The following SPAG9 variants were observed in gnomAD, a reference collection of about 807,000 sequenced individuals.
SPAG9 encodes sperm associated antigen 9.
SPAG9 carries 35 observed loss-of-function variants against 166.5 expected under a neutral mutation model. That is an observed-to-expected ratio of 0.21 (90% CI 0.16 to 0.28). SPAG9 has a LOEUF of 0.28. Among genes scored for constraint, SPAG9 ranks in the 10% least tolerant of loss-of-function variants. The pLI is 1.00. For missense variants in SPAG9, 1,235 were observed against 1,603.3 expected, an observed-to-expected ratio of 0.77 and a Z score of 3.92; for synonymous variants, 534 against 565.5, an observed-to-expected ratio of 0.94 and a Z score of 0.79.
At chr17:51,079,226 A>G (rs2048097020) in intron 2 of SPAG9, among the ~76,000 whole-genome samples, 1 of 145,326 alleles carries the variant, frequency 6.9e-6, no homozygotes, top group African/African-American at 2.5e-5. Flanking sequence ...CATTAGAGCC[A>G]ATTCCTTTTT....
In SPAG9 at chr17:51,012,722, CTTTATTTA is replaced by C. The variant is rs142325730; in HGVS notation, c.1213+1502_1213+1509del. 5.9e-3 allele frequency among the ~76,000 whole-genome samples: 864 copies of C among 145,826 alleles called. 2 individuals are homozygous for C. Among genetic ancestry groups the C allele is most frequent in the Non-Finnish European group, 7.8e-3 (520 of 67,070 alleles). ...TACTTTCAATCTCTCTTACTAGATA[CTTTATTTA>C]TTTATTTATTTATTTATTTATTTAT... On this transcript the variant is annotated intron_variant, in intron 9 of 29. Transcript: ENST00000262013.
In SPAG9 at chr17:50,970,854, G is replaced by T; in HGVS notation, c.3703C>A (p.Gln1235Lys). Residue 1235 changes from glutamine (Q) to lysine (K), a missense_variant and splice_region_variant, in exon 29 of 30, where the codon CAA becomes AAA. This residue lies in a region of SPAG9 where 243 missense variants were observed against 358.6 expected (regional missense o/e 0.68). Transcript: ENST00000262013. ...CTGCTACTTTGTGGGCTGATGACTTGACCTGTTTTATACAGAAACAAAAGT... is the reference window on the plus strand; with the variant it reads ...CTGCTACTTTGTGGGCTGATGACTTTACCTGTTTTATACAGAAACAAAAGT... ...AVKFFVAVPG[Q>K]VISPQSSSSG... The T allele has an allele frequency of 6.2e-7, 1 of 1,613,222 alleles. No individual in the cohort carries two copies. The highest frequency in any genetic ancestry group is 1.1e-5 in the South Asian group (1 of 91,048).
At chr17:51,082,926 G>A (rs904856641) in intron 1 of SPAG9, among the ~76,000 whole-genome samples, 2 of 152,082 alleles carry the variant, frequency 1.3e-5, no homozygotes, top group African/African-American at 2.4e-5. Flanking sequence ...CAACTCCCTA[G>A]GGGTGGGCAC....
At chr17:51,013,969 T>C (rs1361423992) in intron 9 of SPAG9, among the ~76,000 whole-genome samples, 1 of 152,130 alleles carries the variant, frequency 6.6e-6, no homozygotes, top group Non-Finnish European at 1.5e-5. Context: ...TGTTTTGAAA[T>C]ATAGCAGGAG....
intron 2 of SPAG9, among the ~76,000 whole-genome samples, chr17:51,061,613 A>C (rs12945613): frequency 3.4e-3 from 104 of 30,912 alleles, no homozygotes; most frequent in Admixed American, 4.2e-3. Context: ...CTCTGTCTCC[A>C]AAAAAAAAAA....
At chr17:51,090,945 C>T (rs766397685) in intron 1 of SPAG9, among the ~76,000 whole-genome samples, 3 of 152,084 alleles carry the variant, frequency 2.0e-5, no homozygotes, top group Non-Finnish European at 2.9e-5. Flanking sequence ...TGTAACCACA[C>T]TGAAATTACA....
At chr17:51,069,362 C>A (rs1160457554) in intron 2 of SPAG9, among the ~76,000 whole-genome samples, 2 of 152,014 alleles carry the variant, frequency 1.3e-5, no homozygotes, top group East Asian at 3.8e-4. Flanking sequence ...CATTGCTAAT[C>A]ACAAAGCACA....
intron 1 of SPAG9, among the ~76,000 whole-genome samples, chr17:51,081,349 G>C (rs1490865681): frequency 6.6e-6 from 1 of 152,130 alleles, no homozygotes; most frequent in Admixed American, 6.6e-5. Flanking sequence ...TACTGAGGAG[G>C]CTGAGGCAGG....
intron 13 of SPAG9, among the ~76,000 whole-genome samples, chr17:51,000,865 T>G (rs1425609249): frequency 6.6e-6 from 1 of 152,228 alleles, no homozygotes. Flanking sequence ...GTTAAGAACA[T>G]ACACTTTCTA....
At chr17:51,104,320 T>C (rs1234187732) in intron 1 of SPAG9, among the ~76,000 whole-genome samples, 1 of 152,182 alleles carries the variant, frequency 6.6e-6, no homozygotes, top group Non-Finnish European at 1.5e-5. Context: ...CACAGTATCA[T>C]GCACATAGTT....
intron 3 of SPAG9, among the ~76,000 whole-genome samples, chr17:51,052,520 G>A (rs72826428): frequency 2.1e-3 from 323 of 152,192 alleles, no homozygotes; most frequent in Non-Finnish European, 4.0e-3. Flanking sequence ...TTTGGGCGGC[G>A]TGGGAAATCT....
chr17:51,037,685 A>ATATATATATATATATATATATT, intron 5 of SPAG9, among the ~76,000 whole-genome samples: 2 of 83,492 alleles, frequency 2.4e-5, no homozygotes, highest in African/African-American at 7.8e-5. Flanking sequence ...ATATATATAT[A>ATATATATATATATATATATATT]GTGTGTGTGT....
At chr17:51,009,019 C>CA (rs1282685135) in intron 9 of SPAG9, 4 of 360,388 alleles carry the variant, frequency 1.1e-5, no homozygotes, top group South Asian at 6.5e-5. Context: ...ATATGAAAGG[C>CA]AAAAAAATAG....
At chr17:50,983,267 A>T (rs1323617996) in intron 24 of SPAG9, among the ~76,000 whole-genome samples, 1 of 152,218 alleles carries the variant, frequency 6.6e-6, no homozygotes, top group Non-Finnish European at 1.5e-5. Context: ...GTCTTTTTGT[A>T]TGTAATCACC....
intron 29 of SPAG9, 79 bp from the exon 30 acceptor site, chr17:50,966,466 G>GACTAACCACGAGCA: frequency 1.1e-6 from 1 of 914,032 alleles, no homozygotes. Context: ...AATGCTCGTG[G>GACTAACCACGAGCA]TTAGTCCATG....
rs1207956785 is a variant in SPAG9 at position 51,077,061 on chromosome 17, TCTAG to T, written c.424+2519_424+2522del. On this transcript the variant is annotated intron_variant, in intron 2 of 29. Coordinates refer to ENST00000262013, the MANE Select transcript of SPAG9 (RefSeq NM_001130528.3). ...AGCTATCTAGCTATCTAGCTAGCTA[TCTAG>T]CTAGCTATCTAGCTATCTAGCTAGC... Among the ~76,000 whole-genome samples the T allele has an allele frequency of 7.5e-3, 828 of 109,690 alleles. 13 individuals are homozygous for T. Among genetic ancestry groups the T allele is most frequent in the African/African-American group, 0.025 (683 of 27,542 alleles). The allele number at this position is 109,690 out of a possible 152,430, so 72.0% of individuals were successfully genotyped here.
At chr17:51,009,162 G>A in intron 9 of SPAG9, 1 of 452,058 alleles carries the variant, frequency 2.2e-6, no homozygotes, top group Non-Finnish European at 4.4e-6. Context: ...CAGCCCAAGA[G>A]AAAAATGAAT....
At position 51,037,949 on chromosome 17, in the gene SPAG9, G is replaced by A. The variant is rs2046684497; in HGVS notation, c.741+3552C>T. Among the ~76,000 whole-genome samples the A allele has an allele frequency of 2.0e-5, 3 of 151,964 alleles. No individual in the cohort carries two copies. In the East Asian group the frequency reaches 5.8e-4, roughly 29 times the overall value. ...TTTCTTTTTATCAATTTCACTAGAA[G>A]TCCCCCGGTACGAAATTCCTGTTAA... On this transcript the variant is annotated intron_variant, in intron 5 of 29. Coordinates refer to ENST00000262013, the MANE Select transcript of SPAG9 (RefSeq NM_001130528.3).
Position 51,120,678 on chromosome 17 carries a change from C to G in SPAG9, c.-22G>C. 1.3e-6 allele frequency: 2 copies of G among 1,544,932 alleles called. No individual in the cohort carries two copies. Among genetic ancestry groups the G allele is most frequent in the South Asian group, 1.2e-5 (1 of 84,516 alleles). ...CCATGGTGGCAAGCGGACGGGCGGG[C>G]GGCCCGGGGCGTCGCCGGCAGAGGG... On this transcript the variant is annotated 5_prime_UTR_variant, in exon 1 of 30. Transcript: ENST00000262013. This position sits in a 1 kb window ranked among gnomAD's most constrained non-coding sequence, Gnocchi z 4.7.
Sources: allele counts gnomAD v4.1 joint callset (sites outside exome capture counted in the v4.1 genomes callset), GRCh38; gene constraint gnomAD v4.1.1; regional missense constraint gnomAD v4.1.1; non-coding constraint Gnocchi (gnomAD v3.1); transcripts MANE v1.5; gene names NCBI Gene and HGNC (gene_info 2026-07-23, HGNC 2026-07-21).